Variants in ZC3H12A observed in about 807,000 individuals in gnomAD.
The protein encoded by ZC3H12A is endoribonuclease ZC3H12A.
A neutral mutation model predicts 29.9 loss-of-function variants in ZC3H12A; 9 were observed. The ratio of observed to expected loss-of-function variants is 0.30; its 90% CI spans 0.18 to 0.53. The LOEUF (loss-of-function observed/expected upper bound fraction) is 0.53, where lower values mean the gene tolerates loss of function less well. Ranked by LOEUF, ZC3H12A falls within the 20% of genes least tolerant of loss-of-function variation. The pLI, the probability that ZC3H12A is intolerant of heterozygous loss-of-function variation, is 0.96. For synonymous variants in ZC3H12A, 323 were observed against 338.1 expected, an observed-to-expected ratio of 0.96 and a Z score of 0.49; for missense variants, 617 against 799.0, an observed-to-expected ratio of 0.77 and a Z score of 2.75.
chr1:37,482,417 C>A lies in ZC3H12A; in HGVS notation c.819-17C>A, dbSNP rs1207036030. ...GCATGGCTCCCACCTCCAGAGAGTT[C>A]TTTGCACCCTCTGCAGGTTTATGCC... On this transcript the variant is annotated splice_polypyrimidine_tract_variant and intron_variant, in intron 4 of 5. Transcript: ENST00000373087. 1.2e-6 allele frequency: 2 copies of A among 1,605,352 alleles called. No individual in the cohort carries two copies. The highest frequency in any genetic ancestry group is 2.7e-5 in the African/African-American group (2 of 74,776).
chr1:37,475,376 TCC>T lies in ZC3H12A; in HGVS notation c.-38-81_-38-80del. 3 of 1,074,424 alleles carry T rather than the reference TCC, an allele frequency of 2.8e-6. No individual in the cohort carries two copies. The highest frequency in any genetic ancestry group is 2.3e-5 in the Admixed American group (1 of 43,700). The allele number at this position is 1,074,424 out of a possible 1,614,324, so 66.6% of individuals were successfully genotyped here. ...ACGATGCAGTGTGTAGTGCCACCAATCCCTCATCCTGCTGGATGTGGTTTTGG... is the reference window on the plus strand; with the variant it reads ...ACGATGCAGTGTGTAGTGCCACCAATCTCATCCTGCTGGATGTGGTTTTGG... On this transcript the variant is annotated intron_variant, in intron 1 of 5. Coordinates refer to ENST00000373087, the MANE Select transcript of ZC3H12A (RefSeq NM_025079.3). The surrounding 1 kb of genome is among the most constrained non-coding windows in gnomAD (Gnocchi z 5.2).
At chr1:37,482,320 T>TTTTAGGTGTCACTC (rs1268191726) in intron 4 of ZC3H12A, 114 bp from the exon 5 acceptor site, 2 of 918,492 alleles carry the variant, frequency 2.2e-6, no homozygotes, top group Admixed American at 4.5e-5. Flanking sequence ...CAGGCCCCAG[T>TTTTAGGTGTCACTC]TTTAGGTGTC....
At position 37,483,548 on chromosome 1, in the gene ZC3H12A, C is replaced by T. The variant is rs2148048604; in HGVS notation, c.1737C>T (p.Leu579=). The T allele has an allele frequency of 6.2e-7, 1 of 1,613,470 alleles. No individual in the cohort carries two copies. The highest frequency in any genetic ancestry group is 1.1e-5 in the South Asian group (1 of 91,060). The part of the protein sequence containing the change: ...VEAVMGRFPQ[L]LDPQQLAAEI... ...CTGTGATGGGGCGCTTCCCACAGCT[C>T]CTGGACCCCCAGCAGCTGGCTGCCG... The change falls in exon 6 of 6, where the codon CTC becomes CTT. Residue 579 remains leucine, a synonymous_variant. Coordinates refer to ENST00000373087, the MANE Select transcript of ZC3H12A (RefSeq NM_025079.3).
In ZC3H12A at chr1:37,475,616, TGAG is replaced by T; in HGVS notation, c.125_127del (p.Glu42del). The T allele has an allele frequency of 6.2e-7, 1 of 1,614,082 alleles. No homozygotes were observed. The highest frequency in any genetic ancestry group is 8.5e-7 in the Non-Finnish European group (1 of 1,180,038). ...CAAGGCCGGGTCAAGAGCTGGCCGC[TGAG>T]GAGGCCTCGGCCCTGGAACTGCAGA... On this transcript the variant is annotated inframe_deletion, in exon 2 of 6. Transcript: ENST00000373087. The surrounding 1 kb of genome is among the most constrained non-coding windows in gnomAD (Gnocchi z 5.2).
At chr1:37,481,447 G>A (rs372414956) in intron 3 of ZC3H12A, among the ~76,000 whole-genome samples, 154 bp from the exon 4 acceptor site, 2 of 150,240 alleles carry the variant, frequency 1.3e-5, no homozygotes, top group African/African-American at 5.0e-5. Flanking sequence ...GGGAGGGGCT[G>A]GGGCATGGAA....
intron 2 of ZC3H12A, among the ~76,000 whole-genome samples, chr1:37,477,408 A>G (rs552399391): frequency 2.5e-4 from 38 of 152,220 alleles, no homozygotes; most frequent in African/African-American, 9.1e-4. Context: ...GGGGTTTCTG[A>G]GCTGGGGTAG....
At chr1:37,481,960 C>A in intron 4 of ZC3H12A, 125 bp downstream of exon 4, 1 of 929,998 alleles carries the variant, frequency 1.1e-6, no homozygotes, top group Admixed American at 2.3e-5. Context: ...GGTTGCGGGT[C>A]TTGGCTCCAG....
chr1:37,477,512 G>GC (rs963291617), intron 2 of ZC3H12A, among the ~76,000 whole-genome samples: 10 of 152,100 alleles, frequency 6.6e-5, no homozygotes, highest in Admixed American at 2.6e-4. Flanking sequence ...AGGCGGGCTA[G>GC]CCCCCCCATC....
rs1426904000 is a variant in ZC3H12A at position 37,483,758 on chromosome 1, A to G, written c.*147A>G. 1 of 1,089,984 alleles carries G rather than the reference A, an allele frequency of 9.2e-7. No individual in the cohort carries two copies. Among genetic ancestry groups the G allele is most frequent in the Non-Finnish European group, 1.3e-6 (1 of 783,758 alleles). The allele number at this position is 1,089,984 out of a possible 1,614,324, so 67.5% of individuals were successfully genotyped here. A position where few individuals can be genotyped will look rare whatever the true frequency, so the allele number is the denominator to read the frequency against. ...ATTCAAGTCGGGAAGGAAACCCACAAACCAAAGATACTGTAGGATTGGTTC... is the reference window on the plus strand; with the variant it reads ...ATTCAAGTCGGGAAGGAAACCCACAGACCAAAGATACTGTAGGATTGGTTC... On this transcript the variant is annotated 3_prime_UTR_variant, in exon 6 of 6. Transcript: ENST00000373087.
Position 37,481,793 on chromosome 1 carries a change from T to A in ZC3H12A, c.776T>A (p.Phe259Tyr). 1 of 1,614,178 alleles carries A rather than the reference T, an allele frequency of 6.2e-7. No individual in the cohort carries two copies. The highest frequency in any genetic ancestry group is 8.5e-7 in the Non-Finnish European group (1 of 1,180,032). ...GGCGAGCGGCAGGAGTGGAAGCGCT[T>A]CATCGAGGAGCGGCTGCTCATGTAC... ...LQGERQEWKR[F>Y]IEERLLMYSF... Residue 259 changes from phenylalanine to tyrosine, a missense_variant, in exon 4 of 6, where the codon TTC (phenylalanine) becomes TAC (tyrosine). Physicochemically the swap from Phe to Tyr is conservative, Grantham distance 22 (BLOSUM62 3). This residue lies in a region of ZC3H12A where 255 missense variants were observed against 402.5 expected (regional missense o/e 0.63). Coordinates refer to ENST00000373087, the MANE Select transcript of ZC3H12A (RefSeq NM_025079.3).
intron 4 of ZC3H12A, among the ~76,000 whole-genome samples, chr1:37,482,147 G>A (rs1044367139): frequency 2.6e-5 from 4 of 152,312 alleles, no homozygotes; most frequent in East Asian, 1.9e-4. Flanking sequence ...GGCATCTCTC[G>A]AGCAGAGGCC....
At position 37,482,930 on chromosome 1, in the gene ZC3H12A, G is replaced by T; in HGVS notation, c.1119G>T (p.Gln373His). The T allele has an allele frequency of 6.2e-7, 1 of 1,613,662 alleles. No homozygotes were observed. The change falls in exon 6 of 6, where the codon CAG (glutamine) becomes CAT (histidine). Residue 373 changes from glutamine to histidine, a missense_variant. Transcript: ENST00000373087. ...GCTCTCTGCTAACAGAGAGTGAGCA[G>T]TGCAGCCTGGATGGGAAGAAGCTGG... ...QSSSLLTESEQCSLDGKKLGA... is the reference protein window; with the variant it reads ...QSSSLLTESEHCSLDGKKLGA...
Position 37,483,910 on chromosome 1 carries a change from C to A in ZC3H12A, c.*299C>A. The A allele has an allele frequency of 3.0e-6, 1 of 334,874 alleles. No individual in the cohort carries two copies. Among genetic ancestry groups the A allele is most frequent in the Non-Finnish European group, 5.5e-6 (1 of 182,294 alleles). The allele number at this position is 334,874 out of a possible 1,614,324, so 20.7% of individuals were successfully genotyped here. On this transcript the variant is annotated 3_prime_UTR_variant, in exon 6 of 6. Transcript: ENST00000373087. ...ACGGCGTCGGTCCGTGGCTGAGGCC[C>A]AAACCGTCTTTTCTCTCAGAGGGTG...
rs1156817568 is a variant in ZC3H12A, at chr1:37,476,140, C to T, written c.443+201C>T. Among the ~76,000 whole-genome samples the T allele has an allele frequency of 6.6e-6, 1 of 152,166 alleles. No homozygotes were observed. Among genetic ancestry groups the T allele is most frequent in the Non-Finnish European group, 1.5e-5 (1 of 68,022 alleles). ...AAGTGACAGAGGCAGGGTTCCAGCCCAGGTCCCTCTGTCCGCAGAGCTTAC... is the reference window on the plus strand; with the variant it reads ...AAGTGACAGAGGCAGGGTTCCAGCCTAGGTCCCTCTGTCCGCAGAGCTTAC... On this transcript the variant is annotated intron_variant, in intron 2 of 5. Coordinates refer to ENST00000373087, the MANE Select transcript of ZC3H12A (RefSeq NM_025079.3). The surrounding 1 kb of genome is among the most constrained non-coding windows in gnomAD (Gnocchi z 6.0).
rs1438072558 is a variant in ZC3H12A, at chr1:37,479,903, C to T, written c.444-387C>T. Reference sequence around the variant, plus strand: ...GGTGGGGCAGGAACCAGAAGTCTCGCGGCACCTTTCCCCCACCCCCAGGTG... The same window carrying T: ...GGTGGGGCAGGAACCAGAAGTCTCGTGGCACCTTTCCCCCACCCCCAGGTG... On this transcript the variant is annotated intron_variant, in intron 2 of 5. Transcript: ENST00000373087. The surrounding 1 kb of genome is among the most constrained non-coding windows in gnomAD (Gnocchi z 4.5). 6.1e-5 allele frequency: 62 copies of T among 1,013,128 alleles called. No homozygotes were observed. Among genetic ancestry groups the T allele is most frequent in the Non-Finnish European group, 7.0e-5 (59 of 846,574 alleles). 62.8% of individuals were successfully genotyped at this position (1,013,128 alleles called of 1,614,324 possible).
At position 37,479,874 on chromosome 1, in the gene ZC3H12A, G is replaced by A. The variant is rs1014704695; in HGVS notation, c.444-416G>A. 25 of 1,003,818 alleles carry A rather than the reference G, an allele frequency of 2.5e-5. No homozygotes were observed. The highest frequency in any genetic ancestry group is 1.0e-3 in the Middle Eastern group (2 of 1,978). 62.2% of individuals were successfully genotyped at this position (1,003,818 alleles called of 1,614,324 possible). A position where few individuals can be genotyped will look rare whatever the true frequency, so the allele number is the denominator to read the frequency against. On this transcript the variant is annotated intron_variant, in intron 2 of 5. Transcript: ENST00000373087. This position sits in a 1 kb window ranked among gnomAD's most constrained non-coding sequence, Gnocchi z 4.5. ...TCTGTCCCTGTGGTCCCGGCAGCTCGCCGGGTGGGGCAGGAACCAGAAGTC... is the reference window on the plus strand; with the variant it reads ...TCTGTCCCTGTGGTCCCGGCAGCTCACCGGGTGGGGCAGGAACCAGAAGTC...
chr1:37,482,838 C>T lies in ZC3H12A; in HGVS notation c.1027C>T (p.Leu343Phe), dbSNP rs751693190. 6 of 1,613,820 alleles carry T rather than the reference C, an allele frequency of 3.7e-6. No homozygotes were observed. Among genetic ancestry groups the T allele is most frequent in the Non-Finnish European group, 5.1e-6 (6 of 1,179,954 alleles). ...VADELRANAL[L>F]SPPRAPSKDK... is the part of the protein sequence containing the mutation. ...AGATGAGCTCCGTGCCAATGCTCTC[C>T]TCTCACCCCCCAGAGCCCCAAGCAA... is the stretch of plus-strand genomic sequence containing the variant. The change falls in exon 6 of 6, where the codon CTC becomes TTC. Residue 343 changes from leucine to phenylalanine, a missense_variant. By Grantham distance (22) the Leu-to-Phe change is conservative. This residue lies in a region of ZC3H12A where 115 missense variants were observed against 112.5 expected (regional missense o/e 1.02). Coordinates refer to ENST00000373087, the MANE Select transcript of ZC3H12A (RefSeq NM_025079.3).
rs1557594312 is a variant in ZC3H12A, at chr1:37,480,381, G to C, written c.535G>C (p.Val179Leu). The C allele has an allele frequency of 2.5e-6, 4 of 1,614,048 alleles. No individual in the cohort carries two copies. The highest frequency in any genetic ancestry group is 3.4e-6 in the Non-Finnish European group (4 of 1,179,934). Reference protein sequence around the residue: ...ERGHTDITVFVPSWRKEQPRP... With the variant: ...ERGHTDITVFLPSWRKEQPRP... Reference sequence around the variant, plus strand: ...GGGCCACACAGACATCACAGTGTTTGTGCCATCCTGGAGGAAGGAGCAGCC... The same window carrying C: ...GGGCCACACAGACATCACAGTGTTTCTGCCATCCTGGAGGAAGGAGCAGCC... The change falls in exon 3 of 6, where the codon GTG becomes CTG. Residue 179 changes from valine (V) to leucine (L), a missense_variant. Val to Leu is a conservative substitution (Grantham distance 32). This residue lies in a region of ZC3H12A where 255 missense variants were observed against 402.5 expected (regional missense o/e 0.63). Coordinates refer to ENST00000373087, the MANE Select transcript of ZC3H12A (RefSeq NM_025079.3).
At chr1:37,480,864 T>C (rs1298104289) in intron 3 of ZC3H12A, among the ~76,000 whole-genome samples, 2 of 151,864 alleles carry the variant, frequency 1.3e-5, no homozygotes, top group South Asian at 4.2e-4. Context: ...CAGCAGGGGG[T>C]GTTGACAGCA....
Sources: allele counts gnomAD v4.1 joint callset (sites outside exome capture counted in the v4.1 genomes callset), GRCh38; gene constraint gnomAD v4.1.1; regional missense constraint gnomAD v4.1.1; non-coding constraint Gnocchi (gnomAD v3.1); transcripts MANE v1.5; gene names NCBI Gene and HGNC (gene_info 2026-07-23, HGNC 2026-07-21).